The following TTK variants were observed in gnomAD, a reference collection of about 807,000 sequenced individuals.
TTK encodes the protein dual specificity protein kinase TTK.
TTK carries 59 observed loss-of-function variants against 117.3 expected under a neutral mutation model. The ratio of observed to expected loss-of-function variants is 0.50; its 90% CI spans 0.41 to 0.62. The LOEUF is 0.62. TTK is among the 20% of genes least tolerant of loss of function. The pLI is 0.00. For synonymous variants in TTK, 302 were observed against 325.0 expected, an observed-to-expected ratio of 0.93 and a Z score of 0.76; for missense variants, 921 against 989.4, an observed-to-expected ratio of 0.93 and a Z score of 0.93.
intron 10 of TTK, among the ~76,000 whole-genome samples, chr6:80,019,509 T>A (rs1445586338): frequency 6.6e-6 from 1 of 152,204 alleles, no homozygotes; most frequent in Non-Finnish European, 1.5e-5. Flanking sequence ...TTTATCTCAT[T>A]TACATGCCCT....
At chr6:80,034,759 T>C (rs1767850127) in intron 14 of TTK, among the ~76,000 whole-genome samples, 1 of 152,174 alleles carries the variant, frequency 6.6e-6, no homozygotes, top group Admixed American at 6.6e-5. Flanking sequence ...TTTATACCTT[T>C]AAATTATTGA....
intron 11 of TTK, among the ~76,000 whole-genome samples, chr6:80,022,951 G>A (rs1767502326): frequency 6.6e-6 from 1 of 152,130 alleles, no homozygotes; most frequent in South Asian, 2.1e-4. Flanking sequence ...AGTTTCCTGT[G>A]GTCATACTCA....
At position 80,042,137 on chromosome 6, in the gene TTK, A is replaced by G; in HGVS notation, c.2509A>G (p.Ser837Gly). Residue 837 changes from serine (S) to glycine (G), a missense_variant, in exon 22 of 22, where the codon AGT becomes GGT. Ser to Gly is a moderately conservative substitution (Grantham distance 56). Coordinates refer to ENST00000369798, the MANE Select transcript of TTK (RefSeq NM_003318.5). ...ATTTCAGACTTTATATGAACACTATAGTGGTGGTGAAAGTCATAATTCTTC... is the reference window on the plus strand; with the variant it reads ...ATTTCAGACTTTATATGAACACTATGGTGGTGGTGAAAGTCATAATTCTTC... ...KAAKTLYEHYSGGESHNSSSS... is the reference protein window; with the variant it reads ...KAAKTLYEHYGGGESHNSSSS... 3 of 1,601,350 alleles carry G rather than the reference A, an allele frequency of 1.9e-6. No homozygotes were observed. Among genetic ancestry groups the G allele is most frequent in the Non-Finnish European group, 2.6e-6 (3 of 1,173,002 alleles).
Position 80,036,533 on chromosome 6 carries a change from G to A in TTK, c.1983G>A (p.Lys661=). 2 of 1,611,946 alleles carry A rather than the reference G, an allele frequency of 1.2e-6. No individual in the cohort carries two copies. Among genetic ancestry groups the A allele is most frequent in the Non-Finnish European group, 1.7e-6 (2 of 1,178,918 alleles). ...TTCTGATAGTTGATGGAATGCTAAA[G>A]CTAATTGATTTTGGGATTGCAAACC... is the stretch of plus-strand genomic sequence containing the variant. The part of the protein sequence containing the change: ...ANFLIVDGML[K]LIDFGIANQM... The change falls in exon 17 of 22, where the codon AAG becomes AAA. Residue 661 remains lysine, a synonymous_variant. Transcript: ENST00000369798.
chr6:80,031,537 T>G lies in TTK; in HGVS notation c.1592T>G (p.Ile531Arg). ...AGAATTTATTCCATATTAAAGCAGA[T>G]AGGAAGTGGAGGTTCAAGCAAGGTA... ...KGRIYSILKQ[I>R]GSGGSSKVFQ... is the part of the protein sequence containing the mutation. The change falls in exon 14 of 22, where the codon ATA becomes AGA. Residue 531 changes from isoleucine to arginine, a missense_variant. Coordinates refer to ENST00000369798, the MANE Select transcript of TTK (RefSeq NM_003318.5). 6.5e-7 allele frequency: 1 copy of G among 1,532,840 alleles called. No individual in the cohort carries two copies. Among genetic ancestry groups the G allele is most frequent in the Non-Finnish European group, 8.7e-7 (1 of 1,147,134 alleles). The allele number at this position is 1,532,840 out of a possible 1,614,324, so 95.0% of individuals were successfully genotyped here.
chr6:80,023,710 TAG>T (rs1488598767), intron 11 of TTK, among the ~76,000 whole-genome samples: 1 of 152,254 alleles, frequency 6.6e-6, no homozygotes, highest in Non-Finnish European at 1.5e-5. Context: ...AGCACTGTGT[TAG>T]AGTTTTTACA....
At chr6:80,019,976 GACTT>G (rs1240676449) in intron 10 of TTK, among the ~76,000 whole-genome samples, 5 of 151,624 alleles carry the variant, frequency 3.3e-5, no homozygotes, top group South Asian at 4.2e-4. Context: ...AAAGCATTAG[GACTT>G]ACTTAATTTA....
chr6:80,027,958 T>G lies in TTK; in HGVS notation c.1468T>G (p.Cys490Gly), dbSNP rs1054771533. The change falls in exon 13 of 22, where the codon TGT becomes GGT. Residue 490 changes from cysteine (C) to glycine (G), a missense_variant. Transcript: ENST00000369798. ...QLSTPYGQPACFQQQQHQILA... is the reference protein window; with the variant it reads ...QLSTPYGQPAGFQQQQHQILA... The stretch of plus-strand genomic sequence containing the variant: ...GTCAACACCTTATGGCCAACCTGCC[T>G]GTTTCCAGCAGCAACAGCATCAAAT... 1 of 1,608,342 alleles carries G rather than the reference T, an allele frequency of 6.2e-7. No individual in the cohort carries two copies. Among genetic ancestry groups the G allele is most frequent in the Non-Finnish European group, 8.5e-7 (1 of 1,176,606 alleles).
chr6:80,034,140 A>G (rs187577282), intron 14 of TTK, among the ~76,000 whole-genome samples: 6 of 152,320 alleles, frequency 3.9e-5, no homozygotes, highest in African/African-American at 1.4e-4. Context: ...AATGCCTCAA[A>G]GAAAGTAACA....
intron 13 of TTK, among the ~76,000 whole-genome samples, chr6:80,031,178 T>C (rs1767751152): frequency 6.6e-6 from 1 of 151,610 alleles, no homozygotes; most frequent in Non-Finnish European, 1.5e-5. Flanking sequence ...TTTTTATATA[T>C]ATTTTTAAGC....
chr6:80,036,438 G>T, intron 16 of TTK, 37 bp from the exon 17 acceptor site: 1 of 1,564,066 alleles, frequency 6.4e-7, no homozygotes, highest in Non-Finnish European at 8.7e-7. Flanking sequence ...AGAATGTTTT[G>T]CATTGTTTAA....
At position 80,042,104 on chromosome 6, in the gene TTK, G is replaced by A. The variant is rs745945702; in HGVS notation, c.2491-15G>A. On this transcript the variant is annotated splice_polypyrimidine_tract_variant and intron_variant, in intron 21 of 21. Coordinates refer to ENST00000369798, the MANE Select transcript of TTK (RefSeq NM_003318.5). ...CTAAAAAATTGCAAAACAGATTTGT[G>A]TTTTTTAATTTCAGACTTTATATGA... The A allele has an allele frequency of 2.6e-6, 4 of 1,520,424 alleles. No individual in the cohort carries two copies. The highest frequency in any genetic ancestry group is 3.5e-6 in the Non-Finnish European group (4 of 1,128,712). 94.2% of individuals were successfully genotyped at this position (1,520,424 alleles called of 1,614,324 possible). A position where few individuals can be genotyped will look rare whatever the true frequency, so the allele number is the denominator to read the frequency against.
At chr6:80,039,381 C>T (rs940116838) in intron 18 of TTK, among the ~76,000 whole-genome samples, 9 of 5,432 alleles carry the variant, frequency 1.7e-3, no homozygotes, top group Admixed American at 7.7e-3. Flanking sequence ...TCCAGTAATT[C>T]TGGGGAAAAC....
At chr6:80,024,020 A>G (rs1767538704) in intron 11 of TTK, among the ~76,000 whole-genome samples, 1 of 152,210 alleles carries the variant, frequency 6.6e-6, no homozygotes, top group Admixed American at 6.5e-5. Flanking sequence ...ACTGAAAACC[A>G]TATGGATCAT....
chr6:80,038,488 T>C (rs79978220), intron 18 of TTK, among the ~76,000 whole-genome samples: 1,664 of 152,204 alleles, frequency 0.011, 38 homozygotes, highest in African/African-American at 0.038. Flanking sequence ...ATCTGCCTCT[T>C]CATTAACAAC....
intron 1 of TTK, among the ~76,000 whole-genome samples, chr6:80,005,607 G>T (rs1226312986): frequency 6.6e-6 from 1 of 152,108 alleles, no homozygotes; most frequent in Non-Finnish European, 1.5e-5. Context: ...TGACGTCATT[G>T]ATGTTATATT....
intron 14 of TTK, 129 bp downstream of exon 14, chr6:80,031,688 A>G (rs528711644): frequency 5.5e-6 from 3 of 541,304 alleles, no homozygotes; most frequent in East Asian, 7.5e-5. Context: ...CCAAAAAGCC[A>G]TCTTAACACC....
Position 80,035,263 on chromosome 6 carries a change from C to A in TTK, c.1773-3C>A. 1 of 1,579,858 alleles carries A rather than the reference C, an allele frequency of 6.3e-7. No homozygotes were observed. The highest frequency in any genetic ancestry group is 8.6e-7 in the Non-Finnish European group (1 of 1,167,478). On this transcript the variant is annotated splice_region_variant and splice_polypyrimidine_tract_variant and intron_variant, in intron 15 of 21. Transcript: ENST00000369798. The stretch of plus-strand genomic sequence containing the variant: ...TTTGTTGCTTTTATTTGTTTAATTG[C>A]AGTGAAATCACGGACCAGTACATCT...
chr6:80,018,613 C>T (rs112969667), intron 10 of TTK, among the ~76,000 whole-genome samples: 130 of 136,082 alleles, frequency 9.6e-4, no homozygotes, highest in African/African-American at 3.5e-3. Context: ...GGCAATAGAG[C>T]GAGACTCCGT....
Sources: allele counts gnomAD v4.1 joint callset (sites outside exome capture counted in the v4.1 genomes callset), GRCh38; gene constraint gnomAD v4.1.1; transcripts MANE v1.5; gene names NCBI Gene and HGNC (gene_info 2026-07-23, HGNC 2026-07-21).